The following POLA1 variants were observed in gnomAD, a reference collection of about 807,000 sequenced individuals.
POLA1 encodes the protein DNA polymerase alpha 1, catalytic subunit, also known as DNA polymerase alpha catalytic subunit.
POLA1 carries 15 observed loss-of-function variants against 124.0 expected under a neutral mutation model. The observed-to-expected ratio is 0.12, with a 90% CI of 0.08 to 0.19. POLA1 has a LOEUF of 0.19. Among genes scored for constraint, POLA1 ranks in the 10% least tolerant of loss-of-function variants. The pLI, the probability that POLA1 is intolerant of heterozygous loss-of-function variation, is 1.00. For missense variants in POLA1, 886 were observed against 1,103.4 expected, an observed-to-expected ratio of 0.80 and a Z score of 2.79; for synonymous variants, 408 against 389.4, an observed-to-expected ratio of 1.05 and a Z score of -0.56.
chrX:24,759,916 A>G (rs1932769576), intron 26 of POLA1, among the ~76,000 whole-genome samples: 1 of 112,257 alleles, frequency 8.9e-6, no homozygotes, highest in South Asian at 3.7e-4. Context: ...TTTTAAATAA[A>G]CCTATTTTGG....
chrX:24,973,853 T>C (rs2048333327), intron 36 of POLA1, among the ~76,000 whole-genome samples: 1 of 111,541 alleles, frequency 9.0e-6, no homozygotes, highest in Non-Finnish European at 1.9e-5. Flanking sequence ...CAAGCTTCCC[T>C]TTCTTGGGGG....
At chrX:24,845,587 C>CATGG (rs2147069487) in intron 34 of POLA1, among the ~76,000 whole-genome samples, 1 of 111,759 alleles carries the variant, frequency 8.9e-6, no homozygotes, top group African/African-American at 3.2e-5. Flanking sequence ...CCTAGAGGTA[C>CATGG]ATGGCATTGA....
chrX:24,771,415 T>C (rs1001903184), intron 26 of POLA1, among the ~76,000 whole-genome samples: 3 of 111,838 alleles, frequency 2.7e-5, no homozygotes, highest in African/African-American at 9.8e-5. Context: ...TGGGATTCTT[T>C]AGTACCTCAT....
chrX:24,846,694 A>G (rs2046481970), intron 34 of POLA1, among the ~76,000 whole-genome samples: 1 of 111,992 alleles, frequency 8.9e-6, no homozygotes, highest in Non-Finnish European at 1.9e-5. Context: ...AGCTAATCTA[A>G]ATTGGGAAAT....
chrX:24,841,711 C>G lies in POLA1; in HGVS notation c.3796C>G (p.Leu1266Val). Residue 1266 changes from leucine to valine, a missense_variant, in exon 33 of 37, where the codon CTA becomes GTA. Transcript: ENST00000379068. ...TCATAAAGATGAAGAGAATGATGCT[C>G]TACTTGGTGGCCCAGCACAGCTCAC... ...HYHKDEENDA[L>V]LGGPAQLTDE... 2 of 1,190,026 alleles carry G rather than the reference C, an allele frequency of 1.7e-6. No homozygotes were observed. The highest frequency in any genetic ancestry group is 2.3e-6 in the Non-Finnish European group (2 of 878,874).
chrX:24,994,761 G>A (rs1431154751), intron 36 of POLA1, among the ~76,000 whole-genome samples: 1 of 108,173 alleles, frequency 9.2e-6, no homozygotes, highest in African/African-American at 3.4e-5. Flanking sequence ...GGGATTGGGG[G>A]TGGGGGGGGC....
intron 36 of POLA1, among the ~76,000 whole-genome samples, chrX:24,984,885 C>G (rs768045181): frequency 3.3e-4 from 36 of 110,273 alleles, no homozygotes; most frequent in Non-Finnish European, 5.3e-4. Context: ...TGGTCTCGAT[C>G]TCCTGACCTC....
chrX:24,776,080 C>T (rs2045133896), intron 26 of POLA1, among the ~76,000 whole-genome samples: 1 of 111,923 alleles, frequency 8.9e-6, no homozygotes, highest in Non-Finnish European at 1.9e-5. Context: ...CTCAGTAAAA[C>T]AGTGTAGTTG....
chrX:24,767,861 C>T (rs1321456795), intron 26 of POLA1, among the ~76,000 whole-genome samples: 1 of 111,930 alleles, frequency 8.9e-6, no homozygotes, highest in Non-Finnish European at 1.9e-5. Flanking sequence ...TCTGACTTTG[C>T]TTGATTGTGT....
chrX:24,955,196 C>T (rs1817214864), intron 36 of POLA1, among the ~76,000 whole-genome samples: 1 of 103,665 alleles, frequency 9.6e-6, no homozygotes, highest in Non-Finnish European at 2.0e-5. Context: ...GACAGTCTCA[C>T]TCGTTTGCCT....
At chrX:24,735,264 A>G (rs1238589621) in intron 17 of POLA1, 135 bp from the exon 18 acceptor site, 2 of 414,358 alleles carry the variant, frequency 4.8e-6, no homozygotes, top group African/African-American at 2.5e-5. Context: ...CAGGAATTTC[A>G]TTGCTACATT....
chrX:24,993,282 G>A, intron 36 of POLA1, among the ~76,000 whole-genome samples: 1 of 112,253 alleles, frequency 8.9e-6, no homozygotes, highest in African/African-American at 3.2e-5. Context: ...TTGGCTTTGT[G>A]GTGCTGGTGG....
chrX:24,732,950 C>G (rs1380706299), intron 16 of POLA1, among the ~76,000 whole-genome samples: 1 of 111,929 alleles, frequency 8.9e-6, no homozygotes, highest in African/African-American at 3.2e-5. Flanking sequence ...CCACCAAGTT[C>G]TGCATATGTG....
Position 24,796,071 on chromosome X carries a change from TCTC to T in POLA1, c.2965-13820_2965-13818del, listed in dbSNP as rs776923075. Among the ~76,000 whole-genome samples the T allele has an allele frequency of 3.9e-4, 43 of 110,748 alleles. 1 individual carries two copies. Among genetic ancestry groups the T allele is most frequent in the Non-Finnish European group, 6.8e-4 (36 of 52,860 alleles). On this transcript the variant is annotated intron_variant, in intron 26 of 36. Coordinates refer to ENST00000379068, the MANE Select transcript of POLA1 (RefSeq NM_001330360.2). Reference sequence around the variant, plus strand: ...CATAAAATAGAACTACCCCCACCTCTCTCCTCCTCTCCAGTGCAGAAGAGAGGC... The same window carrying T: ...CATAAAATAGAACTACCCCCACCTCTCTCCTCTCCAGTGCAGAAGAGAGGC...
At chrX:24,973,078 G>A (rs1246599427) in intron 36 of POLA1, among the ~76,000 whole-genome samples, 2 of 112,026 alleles carry the variant, frequency 1.8e-5, no homozygotes, top group African/African-American at 6.5e-5. Context: ...TCTTCTGGCT[G>A]GGTGCAGTGG....
intron 26 of POLA1, among the ~76,000 whole-genome samples, chrX:24,756,488 G>T (rs956477789): frequency 8.2e-5 from 9 of 109,183 alleles, no homozygotes; most frequent in Non-Finnish European, 1.5e-4. Context: ...GCTTGAACCC[G>T]GGAGGCAGAG....
chrX:24,793,657 T>C (rs2045551838), intron 26 of POLA1, among the ~76,000 whole-genome samples: 1 of 111,200 alleles, frequency 9.0e-6, no homozygotes, highest in Non-Finnish European at 1.9e-5. Context: ...CCATCTCTGC[T>C]CACTGCAACC....
chrX:24,812,585 G>A (rs2045921986), intron 28 of POLA1, 73 bp from the exon 29 acceptor site: 2 of 625,355 alleles, frequency 3.2e-6, no homozygotes, highest in African/African-American at 4.5e-5. Context: ...TAACTCTTGG[G>A]AATTTGTAAC....
intron 35 of POLA1, among the ~76,000 whole-genome samples, chrX:24,898,817 C>A (rs1231288559): frequency 4.5e-5 from 5 of 111,499 alleles, no homozygotes; most frequent in Non-Finnish European, 9.4e-5. Context: ...TTTTTTAAAT[C>A]TGGAATTCTA....
Sources: gnomAD v4.1 joint callset for allele counts (sites outside exome capture counted in the v4.1 genomes callset) on GRCh38, gnomAD v4.1.1 for gene constraint, MANE v1.5 for transcripts, NCBI Gene and HGNC (gene_info 2026-07-23, HGNC 2026-07-21) for gene names.